Variants in MACROD2 observed in about 807,000 individuals in gnomAD.
MACROD2 encodes the protein ADP-ribose glycohydrolase MACROD2.
In MACROD2, 36 loss-of-function variants were observed where a neutral mutation model predicts 70.4. The observed-to-expected ratio is 0.51, with a 90% CI of 0.39 to 0.68. The LOEUF is 0.68. Among genes scored for constraint, MACROD2 ranks in the 30% least tolerant of loss-of-function variants. The probability of loss-of-function intolerance (pLI) is 0.00; values close to 1 mark genes in which losing one functional copy is unlikely to be tolerated. For missense variants in MACROD2, 496 were observed against 538.4 expected (o/e 0.92, Z 0.78); for synonymous variants, 172 against 178.8 (o/e 0.96, Z 0.30).
chr20:14,919,143 C>T (rs1456462957), intron 5 of MACROD2, among the ~76,000 whole-genome samples: 5 of 152,090 alleles, frequency 3.3e-5, no homozygotes, highest in Admixed American at 1.3e-4. Context: ...AGATGGATAC[C>T]GTCACTTTTC....
intron 8 of MACROD2, among the ~76,000 whole-genome samples, chr20:15,503,722 C>T (rs1024064970): frequency 6.6e-6 from 1 of 152,170 alleles, no homozygotes; most frequent in African/African-American, 2.4e-5. Flanking sequence ...CCTGCTTACG[C>T]GTGGCCCCAT....
At chr20:15,557,357 G>C (rs151247426) in intron 8 of MACROD2, among the ~76,000 whole-genome samples, 130 of 152,238 alleles carry the variant, frequency 8.5e-4, no homozygotes, top group African/African-American at 3.1e-3. Context: ...TACAGTTCCT[G>C]ATTCTATTAC....
intron 8 of MACROD2, among the ~76,000 whole-genome samples, chr20:15,730,376 G>A (rs1187755647): frequency 2.0e-5 from 3 of 152,190 alleles, no homozygotes; most frequent in South Asian, 4.1e-4. Flanking sequence ...AGGACCTCTT[G>A]TAAGGTGGGT....
intron 5 of MACROD2, among the ~76,000 whole-genome samples, chr20:14,778,282 T>G (rs1274551888): frequency 1.3e-5 from 2 of 151,814 alleles, no homozygotes; most frequent in African/African-American, 4.9e-5. Flanking sequence ...GCTCTTTACA[T>G]CTCTGTCATT....
intron 4 of MACROD2, among the ~76,000 whole-genome samples, chr20:14,671,673 A>G (rs2070796438): frequency 6.6e-6 from 1 of 152,218 alleles, no homozygotes; most frequent in Non-Finnish European, 1.5e-5. Flanking sequence ...ATCTTCTCCT[A>G]GGATCACGGC....
chr20:15,904,252 C>G (rs1346669487), intron 10 of MACROD2, among the ~76,000 whole-genome samples: 1 of 152,070 alleles, frequency 6.6e-6, no homozygotes, highest in Non-Finnish European at 1.5e-5. Flanking sequence ...CTTCTGAACT[C>G]AAGCGACCCT....
At chr20:14,193,853 A>T (rs939535972) in intron 3 of MACROD2, among the ~76,000 whole-genome samples, 7 of 152,206 alleles carry the variant, frequency 4.6e-5, no homozygotes, top group Admixed American at 3.9e-4. Flanking sequence ...TATGGATCTT[A>T]GTTGAGGCCA....
At chr20:15,283,122 A>G (rs2077460332) in intron 6 of MACROD2, among the ~76,000 whole-genome samples, 2 of 152,146 alleles carry the variant, frequency 1.3e-5, no homozygotes, top group African/African-American at 4.8e-5. Flanking sequence ...TGCCCATATG[A>G]TCCAACTACC....
At chr20:15,617,129 C>G (rs2049050318) in intron 8 of MACROD2, among the ~76,000 whole-genome samples, 2 of 152,090 alleles carry the variant, frequency 1.3e-5, no homozygotes, top group South Asian at 4.1e-4. Flanking sequence ...TTGTTTTTTT[C>G]AAGTTACCAG....
At chr20:14,677,334 A>G (rs2070874098) in intron 4 of MACROD2, among the ~76,000 whole-genome samples, 1 of 152,244 alleles carries the variant, frequency 6.6e-6, no homozygotes, top group Admixed American at 6.5e-5. Flanking sequence ...AGTGACAACA[A>G]TTCCCCTCAA....
At chr20:15,932,089 C>T (rs2065588236) in intron 10 of MACROD2, among the ~76,000 whole-genome samples, 1 of 152,136 alleles carries the variant, frequency 6.6e-6, no homozygotes, top group African/African-American at 2.4e-5. Flanking sequence ...TCTTCTGCTC[C>T]TTGTGACACT....
intron 8 of MACROD2, among the ~76,000 whole-genome samples, chr20:15,771,466 A>C (rs1041913478): frequency 2.0e-5 from 3 of 151,902 alleles, no homozygotes; most frequent in Non-Finnish European, 2.9e-5. Flanking sequence ...TATGGATGTG[A>C]ACCATCACGC....
At chr20:15,708,731 G>A (rs1353903330) in intron 8 of MACROD2, among the ~76,000 whole-genome samples, 1 of 130,412 alleles carries the variant, frequency 7.7e-6, no homozygotes, top group Non-Finnish European at 1.9e-5. Flanking sequence ...AAATAAATTA[G>A]CTGGGCATGG....
At chr20:14,584,073 A>G (rs147187264) in intron 4 of MACROD2, among the ~76,000 whole-genome samples, 11 of 152,242 alleles carry the variant, frequency 7.2e-5, no homozygotes, top group East Asian at 5.8e-4. Context: ...CCTTTTAACT[A>G]TGCCCATTAC....
chr20:15,984,917 C>T (rs981851093), intron 13 of MACROD2, among the ~76,000 whole-genome samples: 17 of 152,104 alleles, frequency 1.1e-4, no homozygotes, highest in African/African-American at 4.1e-4. Context: ...GTTCTCTTAA[C>T]TGCTGTTGGG....
At chr20:15,755,420 A>G (rs1053433631) in intron 8 of MACROD2, among the ~76,000 whole-genome samples, 9 of 152,222 alleles carry the variant, frequency 5.9e-5, no homozygotes, top group African/African-American at 2.2e-4. Context: ...GTGAACTGTA[A>G]AGAGAAGCTT....
At chr20:14,941,166 A>G (rs2074386421) in intron 5 of MACROD2, among the ~76,000 whole-genome samples, 3 of 151,994 alleles carry the variant, frequency 2.0e-5, no homozygotes, top group Non-Finnish European at 4.4e-5. Context: ...AGGTTTTCCA[A>G]TTTGTTGGGG....
chr20:14,222,875 G>A (rs891611910), intron 3 of MACROD2, among the ~76,000 whole-genome samples: 2 of 149,812 alleles, frequency 1.3e-5, no homozygotes, highest in African/African-American at 4.9e-5. Context: ...ACAGATTGGA[G>A]TTTATCTTTA....
chr20:16,011,790 C>T (rs923656422), intron 15 of MACROD2, among the ~76,000 whole-genome samples: 6 of 152,204 alleles, frequency 3.9e-5, no homozygotes, highest in Non-Finnish European at 8.8e-5. Flanking sequence ...GTCAGGGGCT[C>T]CGGCCTTGGA....
Sources: allele counts gnomAD v4.1 joint callset (sites outside exome capture counted in the v4.1 genomes callset), GRCh38; gene constraint gnomAD v4.1.1; transcripts MANE v1.5; gene names NCBI Gene and HGNC (gene_info 2026-07-23, HGNC 2026-07-21).